The following L3MBTL4 variants were observed in gnomAD, a reference collection of about 807,000 sequenced individuals.
The protein encoded by L3MBTL4 is L3MBTL histone methyl-lysine binding protein 4.
A neutral mutation model predicts 84.5 loss-of-function variants in L3MBTL4; 70 were observed. The observed-to-expected ratio is 0.83, with a 90% CI of 0.68 to 1.01. The LOEUF (loss-of-function observed/expected upper bound fraction) is 1.01. Among genes scored for constraint, L3MBTL4 ranks in the 50% least tolerant of loss-of-function variants. The probability of loss-of-function intolerance (pLI) is 0.00; values close to 1 mark genes in which losing one functional copy is unlikely to be tolerated. For missense variants in L3MBTL4, 715 were observed against 754.8 expected, an observed-to-expected ratio of 0.95 and a Z score of 0.62; for synonymous variants, 274 against 259.8, an observed-to-expected ratio of 1.05 and a Z score of -0.52.
rs573696584 is a variant in L3MBTL4 at position 6,069,541 on chromosome 18, G to A, written c.1444+11340C>T. ...GAAGGGGCACAACCAAGTGAGGGCA[G>A]GGTTAGGCGGGTCTGTGCTCTGACT... On this transcript the variant is annotated intron_variant, in intron 16 of 18. Transcript: ENST00000317931. Among the ~76,000 whole-genome samples, 59 of 152,268 alleles carry A rather than the reference G, an allele frequency of 3.9e-4. 2 individuals carry two copies. The highest frequency in any genetic ancestry group is 1.4e-3 in the African/African-American group (59 of 41,552).
At chr18:6,142,148 T>C (rs2060216810) in intron 13 of L3MBTL4, among the ~76,000 whole-genome samples, 1 of 152,244 alleles carries the variant, frequency 6.6e-6, no homozygotes, top group Non-Finnish European at 1.5e-5. Context: ...CCTACCTCAA[T>C]TACAAAGTAA....
At chr18:6,342,147 T>TAAAC (rs1198167683) in intron 1 of L3MBTL4, among the ~76,000 whole-genome samples, 1 of 152,146 alleles carries the variant, frequency 6.6e-6, no homozygotes, top group East Asian at 1.9e-4. Context: ...CTTCAAAGTT[T>TAAAC]AAACAAAAGG....
chr18:6,207,067 T>A (rs969154551), intron 12 of L3MBTL4, among the ~76,000 whole-genome samples: 2 of 152,212 alleles, frequency 1.3e-5, no homozygotes, highest in Non-Finnish European at 2.9e-5. Context: ...GCTAAAAATG[T>A]TTTTTACATT....
chr18:6,023,422 C>T (rs1477044029), intron 16 of L3MBTL4, among the ~76,000 whole-genome samples: 1 of 152,068 alleles, frequency 6.6e-6, no homozygotes, highest in East Asian at 1.9e-4. Flanking sequence ...GCTTTTCTTT[C>T]CTTTTGATAG....
rs567663412 is a variant in L3MBTL4 at position 6,288,961 on chromosome 18, C to T, written c.127+12942G>A. On this transcript the variant is annotated intron_variant, in intron 4 of 18. Transcript: ENST00000317931. The stretch of plus-strand genomic sequence containing the variant: ...CTGAATAAATATAAGTCCCTTCTTG[C>T]GTCCTTAAATTTTATAAAAAGACCA... Among the ~76,000 whole-genome samples, 11 of 151,790 alleles carry T rather than the reference C, an allele frequency of 7.2e-5. No individual in the cohort carries two copies. The East Asian group carries it at 1.2e-3, about 16-fold the overall frequency.
rs138683135 is a variant in L3MBTL4, at chr18:6,226,471, G to A, written c.785-10636C>T. ...TAATGTCATAATCTAAAACAAATAC[G>A]GTAACAGCCTTTACGAGATATAGAA... is the stretch of plus-strand genomic sequence containing the variant. On this transcript the variant is annotated intron_variant, in intron 10 of 18. Transcript: ENST00000317931. 1.3e-3 allele frequency among the ~76,000 whole-genome samples: 193 copies of A among 151,820 alleles called. 1 individual carries two copies. The highest frequency in any genetic ancestry group is 4.5e-3 in the African/African-American group (188 of 41,428).
At chr18:6,270,773 G>A (rs1446463520) in intron 4 of L3MBTL4, among the ~76,000 whole-genome samples, 2 of 152,200 alleles carry the variant, frequency 1.3e-5, no homozygotes, top group Non-Finnish European at 2.9e-5. Flanking sequence ...AGGGGCTGGA[G>A]GGGCAAACGT....
At chr18:6,090,055 C>T (rs1276864768) in intron 15 of L3MBTL4, among the ~76,000 whole-genome samples, 2 of 152,064 alleles carry the variant, frequency 1.3e-5, no homozygotes, top group South Asian at 2.1e-4. Flanking sequence ...ACTATATGTA[C>T]CCAAATGAAA....
At chr18:5,989,273 T>C (rs767386613) in intron 16 of L3MBTL4, among the ~76,000 whole-genome samples, 4 of 152,216 alleles carry the variant, frequency 2.6e-5, no homozygotes, top group Non-Finnish European at 5.9e-5. Flanking sequence ...CAAACAATCA[T>C]GTATGTGACC....
chr18:6,362,608 C>A (rs1434634328), intron 1 of L3MBTL4, among the ~76,000 whole-genome samples: 1 of 152,180 alleles, frequency 6.6e-6, no homozygotes, highest in African/African-American at 2.4e-5. Context: ...TATCTTGCCA[C>A]AAATCACAAC....
At chr18:6,087,072 C>T (rs1056180640) in intron 15 of L3MBTL4, among the ~76,000 whole-genome samples, 1 of 152,168 alleles carries the variant, frequency 6.6e-6, no homozygotes, top group African/African-American at 2.4e-5. Flanking sequence ...TTGATAAGAA[C>T]AAGGATTTTT....
intron 10 of L3MBTL4, among the ~76,000 whole-genome samples, chr18:6,219,425 C>T (rs2046458406): frequency 6.7e-6 from 1 of 149,416 alleles, no homozygotes; most frequent in African/African-American, 2.4e-5. Context: ...TCATTCCATG[C>T]CATTTTGAGT....
chr18:6,225,042 G>A (rs898721197), intron 10 of L3MBTL4, among the ~76,000 whole-genome samples: 1 of 152,144 alleles, frequency 6.6e-6, no homozygotes, highest in African/African-American at 2.4e-5. Context: ...TAAGATAAGA[G>A]TGCTATTGGA....
At position 5,972,877 on chromosome 18, in the gene L3MBTL4, T is replaced by TAGAAC. The variant is rs1288411429; in HGVS notation, c.1445-3316_1445-3315insGTTCT. 2.1e-3 allele frequency among the ~76,000 whole-genome samples: 160 copies of TAGAAC among 76,236 alleles called. 4 individuals carry two copies. The East Asian group carries it at 0.026, about 12-fold the overall frequency. 50.0% of individuals were successfully genotyped at this position (76,236 alleles called of 152,430 possible). A position where few individuals can be genotyped will look rare whatever the true frequency, so the allele number is the denominator to read the frequency against. ...TAGAATAGTATAGAATAGAATAGAA[T>TAGAAC]AGAATAGAACAGAAGAGAATAGAAT... On this transcript the variant is annotated intron_variant, in intron 16 of 18. Coordinates refer to ENST00000317931, the MANE Select transcript of L3MBTL4 (RefSeq NM_001330559.2).
At chr18:5,958,133 G>GAAGAAA (rs2095242691) in intron 18 of L3MBTL4, among the ~76,000 whole-genome samples, 6 of 57,954 alleles carry the variant, frequency 1.0e-4, no homozygotes, top group Non-Finnish European at 2.3e-4. Context: ...AGAAGAAAAA[G>GAAGAAA]AAGAAGAAGA....
chr18:6,263,271 A>C (rs1006937520), intron 5 of L3MBTL4, among the ~76,000 whole-genome samples: 5 of 137,872 alleles, frequency 3.6e-5, no homozygotes, highest in African/African-American at 1.5e-4. Flanking sequence ...CCGTCTCACA[A>C]AAAAAAAAAA....
chr18:6,403,333 T>C (rs1030867221), intron 1 of L3MBTL4, among the ~76,000 whole-genome samples: 1 of 152,222 alleles, frequency 6.6e-6, no homozygotes, highest in Non-Finnish European at 1.5e-5. Context: ...CAAATACTGT[T>C]CACCATTTCA....
intron 13 of L3MBTL4, among the ~76,000 whole-genome samples, chr18:6,152,597 T>G (rs1184408682): frequency 6.6e-6 from 1 of 152,156 alleles, no homozygotes; most frequent in African/African-American, 2.4e-5. Context: ...TTTAATCAGA[T>G]TTTTGGTTTT....
At chr18:6,027,030 T>G (rs189678230) in intron 16 of L3MBTL4, among the ~76,000 whole-genome samples, 1 of 152,304 alleles carries the variant, frequency 6.6e-6, no homozygotes, top group Admixed American at 6.5e-5. Flanking sequence ...TTTGTTTGTT[T>G]GTTTTTTACT....
Sources: gnomAD v4.1 joint callset for allele counts (sites outside exome capture counted in the v4.1 genomes callset) on GRCh38, gnomAD v4.1.1 for gene constraint, MANE v1.5 for transcripts, NCBI Gene and HGNC (gene_info 2026-07-23, HGNC 2026-07-21) for gene names.